Variants in TARS1 observed in about 807,000 individuals in gnomAD.
TARS1 encodes threonyl-tRNA synthetase 1.
TARS1 carries 57 observed loss-of-function variants against 97.7 expected under a neutral mutation model. The ratio of observed to expected loss-of-function variants is 0.58; its 90% CI spans 0.47 to 0.73. The LOEUF is 0.73. Ranked by LOEUF, TARS1 falls within the 30% of genes least tolerant of loss-of-function variation. The pLI is 0.00. For missense variants in TARS1, 806 were observed against 888.3 expected (o/e 0.91, Z 1.18); for synonymous variants, 312 against 293.7 (o/e 1.06, Z -0.64).
At chr5:33,440,888 G>C, upstream of TARS1, 1 of 612,256 alleles carries the variant, frequency 1.6e-6, no homozygotes. Flanking sequence ...GCTTAGAGGA[G>C]GGAGGGCCCG....
At chr5:33,459,181 C>T (rs1171236844) in intron 10 of TARS1, among the ~76,000 whole-genome samples, 1 of 151,966 alleles carries the variant, frequency 6.6e-6, no homozygotes. Context: ...GTATATATAT[C>T]CATATACTGG....
At chr5:33,457,050 C>T (rs1354231750) in intron 8 of TARS1, among the ~76,000 whole-genome samples, 8 of 152,246 alleles carry the variant, frequency 5.3e-5, no homozygotes, top group Admixed American at 1.3e-4. Context: ...CCTCTTGCCT[C>T]GGCTTCACAG....
At chr5:33,443,961 T>G (rs563445077) in intron 1 of TARS1, among the ~76,000 whole-genome samples, 5 of 141,858 alleles carry the variant, frequency 3.5e-5, no homozygotes, top group Non-Finnish European at 3.1e-5. Flanking sequence ...TTAAAATTAG[T>G]TTTTTTTTTA....
At chr5:33,442,175 A>T (rs951573538) in intron 1 of TARS1, among the ~76,000 whole-genome samples, 2 of 152,114 alleles carry the variant, frequency 1.3e-5, no homozygotes, top group African/African-American at 2.4e-5. Context: ...TTAAAAGCCA[A>T]ATTTTTTTCT....
chr5:33,441,668 G>A (rs1407557176), intron 1 of TARS1: 1 of 152,772 alleles, frequency 6.5e-6, no homozygotes, highest in East Asian at 1.9e-4. Context: ...GGTGCATGTG[G>A]GAAGATGAAT....
intron 3 of TARS1, among the ~76,000 whole-genome samples, chr5:33,453,045 A>T (rs1166389236): frequency 6.6e-6 from 1 of 152,116 alleles, no homozygotes; most frequent in Non-Finnish European, 1.5e-5. Context: ...GAGTTGCCAT[A>T]TCTGCTTAAA....
chr5:33,454,401 A>G (rs551508117), intron 4 of TARS1, among the ~76,000 whole-genome samples: 1 of 152,352 alleles, frequency 6.6e-6, no homozygotes, highest in African/African-American at 2.4e-5. Context: ...CCCAGTGATT[A>G]CTTTAAAACC....
At chr5:33,440,947 G>A, upstream of TARS1, 1 of 914,554 alleles carries the variant, frequency 1.1e-6, no homozygotes, top group Non-Finnish European at 1.7e-6. Context: ...AGTTGGGGGC[G>A]GGGTTAGGGC....
At chr5:33,454,181 A>G (rs1450502764) in intron 4 of TARS1, among the ~76,000 whole-genome samples, 5 of 152,236 alleles carry the variant, frequency 3.3e-5, no homozygotes, top group Non-Finnish European at 7.3e-5. Flanking sequence ...TGTGATGACA[A>G]GATTTTCTTT....
At position 33,463,578 on chromosome 5, in the gene TARS1, C is replaced by T. The variant is rs534292873; in HGVS notation, c.1836-175C>T. 3.2e-4 allele frequency among the ~76,000 whole-genome samples: 49 copies of T among 152,288 alleles called. 1 individual carries two copies. In the South Asian group the frequency reaches 7.5e-3, roughly 23 times the overall value. ...TTAGTTTTCTTCTCCTGCATCTCCT[C>T]GCCTTAATCTTTATTGGATAGGTCT... On this transcript the variant is annotated intron_variant, in intron 16 of 18. Transcript: ENST00000265112.
chr5:33,458,073 A>C (rs1437454044), intron 9 of TARS1, among the ~76,000 whole-genome samples: 1 of 152,108 alleles, frequency 6.6e-6, no homozygotes, highest in Non-Finnish European at 1.5e-5. Context: ...GGATGTTGGC[A>C]AGGAGGTAGG....
chr5:33,450,426 T>C (rs1356211973), intron 3 of TARS1, among the ~76,000 whole-genome samples: 2 of 152,214 alleles, frequency 1.3e-5, no homozygotes, highest in Non-Finnish European at 2.9e-5. Context: ...GCCATGAGCA[T>C]CTACTGTACC....
chr5:33,465,100 A>T (rs111585777), intron 17 of TARS1, among the ~76,000 whole-genome samples: 2,705 of 151,746 alleles, frequency 0.018, 39 homozygotes, highest in South Asian at 0.08. Flanking sequence ...ATAAATAAAT[A>T]AAAAAAATGA....
chr5:33,440,978 G>C lies in TARS1; in HGVS notation c.-109G>C. 1.4e-6 allele frequency: 2 copies of C among 1,398,490 alleles called. No individual in the cohort carries two copies. The highest frequency in any genetic ancestry group is 2.5e-5 in the South Asian group (2 of 80,772). 86.6% of individuals were successfully genotyped at this position (1,398,490 alleles called of 1,614,324 possible). Reference sequence around the variant, plus strand: ...AGGGCGCCTTTCGATTGCATCAGCTGGTCCAGCCGAGGCCAAGTCCCGGGC... The same window carrying C: ...AGGGCGCCTTTCGATTGCATCAGCTCGTCCAGCCGAGGCCAAGTCCCGGGC... On this transcript the variant is annotated 5_prime_UTR_variant, in exon 1 of 19. Transcript: ENST00000265112.
At position 33,457,304 on chromosome 5, in the gene TARS1, GA is replaced by G. The variant is rs1742069674; in HGVS notation, c.886del (p.Arg296GlufsTer13). On this transcript the variant is annotated frameshift_variant, in exon 9 of 19. Coordinates refer to ENST00000265112, the MANE Select transcript of TARS1 (RefSeq NM_152295.5). LOFTEE classifies it high-confidence loss of function. ...EGKADMETLQ[R>X]IYGISFPDPK... ...GCAAAGCAGATATGGAGACTCTCCA[GA>G]GAATTTATGGCATTTCATTCCCAGA... 1 of 1,614,054 alleles carries G rather than the reference GA, an allele frequency of 6.2e-7. No homozygotes were observed. The highest frequency in any genetic ancestry group is 2.2e-5 in the East Asian group (1 of 44,892).
At chr5:33,443,274 T>C (rs1333761696) in intron 1 of TARS1, among the ~76,000 whole-genome samples, 1 of 150,414 alleles carries the variant, frequency 6.6e-6, no homozygotes, top group African/African-American at 2.5e-5. Context: ...AATGGAGCCG[T>C]ATTTAGAACC....
Position 33,457,334 on chromosome 5 carries a change from T to C in TARS1, c.915T>C (p.Pro305=), listed in dbSNP as rs1298216607. 1 of 1,614,178 alleles carries C rather than the reference T, an allele frequency of 6.2e-7. No homozygotes were observed. The highest frequency in any genetic ancestry group is 8.5e-7 in the Non-Finnish European group (1 of 1,180,018). The change falls in exon 9 of 19, where the codon CCT becomes CCC. Residue 305 remains proline (P), a synonymous_variant. Transcript: ENST00000265112. ...QRIYGISFPD[P]KMLKEWEKFQ... Reference sequence around the variant, plus strand: ...TTTATGGCATTTCATTCCCAGATCCTAAAATGTTGAAAGAGTGGGAGAAGT... The same window carrying C: ...TTTATGGCATTTCATTCCCAGATCCCAAAATGTTGAAAGAGTGGGAGAAGT...
At chr5:33,440,783 GGA>G, upstream of TARS1, 1 of 495,688 alleles carries the variant, frequency 2.0e-6, no homozygotes, top group Non-Finnish European at 3.6e-6. Flanking sequence ...CAAGGTCAGC[GGA>G]GAGTAGGCAT....
chr5:33,466,552 A>G (rs573775638), intron 17 of TARS1, among the ~76,000 whole-genome samples: 1 of 152,324 alleles, frequency 6.6e-6, no homozygotes, highest in African/African-American at 2.4e-5. Context: ...TGTCATGTTA[A>G]TATGTTATCA....
Sources: allele counts gnomAD v4.1 joint callset (sites outside exome capture counted in the v4.1 genomes callset), GRCh38; gene constraint gnomAD v4.1.1; transcripts MANE v1.5; gene names NCBI Gene and HGNC (gene_info 2026-07-23, HGNC 2026-07-21).